MOXD1: variants seen among roughly 807,000 people sequenced by gnomAD.
MOXD1 encodes the protein monooxygenase DBH like 1, also known as DBH-like monooxygenase protein 1.
Under a neutral mutation model 66.6 loss-of-function variants are expected in MOXD1, and 62 were observed. The observed-to-expected ratio is 0.93, with a 90% confidence interval of 0.76 to 1.15. The LOEUF (loss-of-function observed/expected upper bound fraction) is 1.15, where lower values mean the gene tolerates loss of function less well. Ranked by LOEUF, MOXD1 falls within the 50% of genes most tolerant of loss-of-function variation. The probability of loss-of-function intolerance (pLI) is 0.00; values close to 1 mark genes in which losing one functional copy is unlikely to be tolerated. For synonymous variants in MOXD1, 303 were observed against 281.9 expected (o/e 1.07, Z -0.75); for missense variants, 847 against 754.6 (o/e 1.12, Z -1.44).
rs757760900 is a variant in MOXD1, at chr6:132,328,499, G to A, written c.759C>T (p.Ser253=). ...TGTTGGGGTGATAGCACTCGTGGCC[G>A]GACTCCAGAACGCTGTCGTTAAAGT... is the stretch of plus-strand genomic sequence containing the variant. ...SNNFNDSVLE[S]GHECYHPNMP... Residue 253 remains serine, a synonymous_variant, in exon 5 of 12, where the codon TCC becomes TCT. Coordinates refer to ENST00000367963, the MANE Select transcript of MOXD1 (RefSeq NM_015529.4). 21 of 1,613,966 alleles carry A rather than the reference G, an allele frequency of 1.3e-5. No individual in the cohort carries two copies. The highest frequency in any genetic ancestry group is 3.3e-4 in the Middle Eastern group (2 of 6,084).
intron 4 of MOXD1, among the ~76,000 whole-genome samples, chr6:132,360,335 G>A (rs538176046): frequency 6.6e-5 from 10 of 152,318 alleles, no homozygotes; most frequent in Non-Finnish European, 1.3e-4. Context: ...GTAAAATGAA[G>A]ATAGTAACAC....
At chr6:132,373,708 T>C (rs909629568) in intron 2 of MOXD1, among the ~76,000 whole-genome samples, 4 of 152,082 alleles carry the variant, frequency 2.6e-5, no homozygotes, top group African/African-American at 7.2e-5. Flanking sequence ...TTTGCTGGGG[T>C]GTAAAGAAAT....
rs915754847 is a variant in MOXD1, at chr6:132,333,315, T to G, written c.664-4721A>C. On this transcript the variant is annotated intron_variant, in intron 4 of 11. Coordinates refer to ENST00000367963, the MANE Select transcript of MOXD1 (RefSeq NM_015529.4). Reference sequence around the variant, plus strand: ...CGCCCCACTGCACTCCAGCCTGGGCTACAGAGTGAGACTCCGTCTCAAAAA... The same window carrying G: ...CGCCCCACTGCACTCCAGCCTGGGCGACAGAGTGAGACTCCGTCTCAAAAA... Among the ~76,000 whole-genome samples the G allele has an allele frequency of 2.4e-3, 296 of 123,466 alleles. 2 individuals carry two copies. The highest frequency in any genetic ancestry group is 9.5e-3 in the African/African-American group (280 of 29,468). The allele number at this position is 123,466 out of a possible 152,430, so 81.0% of individuals were successfully genotyped here. A position where few individuals can be genotyped will look rare whatever the true frequency, so the allele number is the denominator to read the frequency against.
intron 1 of MOXD1, among the ~76,000 whole-genome samples, chr6:132,380,979 A>G (rs949649474): frequency 6.6e-6 from 1 of 152,222 alleles, no homozygotes; most frequent in Non-Finnish European, 1.5e-5. Flanking sequence ...ACATGCAACA[A>G]CTATTTTAAA....
At chr6:132,366,663 T>A (rs1460123047) in intron 4 of MOXD1, among the ~76,000 whole-genome samples, 1 of 152,106 alleles carries the variant, frequency 6.6e-6, no homozygotes, top group Non-Finnish European at 1.5e-5. Flanking sequence ...CCCCAAAGAC[T>A]TACACATTCT....
At chr6:132,311,448 A>G (rs1774828689) in intron 10 of MOXD1, among the ~76,000 whole-genome samples, 1 of 151,602 alleles carries the variant, frequency 6.6e-6, no homozygotes, top group Non-Finnish European at 1.5e-5. Flanking sequence ...GGTGGTTTAG[A>G]AAGCAGAAGT....
chr6:132,353,790 A>C (rs554394739), intron 4 of MOXD1, among the ~76,000 whole-genome samples: 51 of 152,228 alleles, frequency 3.4e-4, no homozygotes, highest in African/African-American at 1.2e-3. Context: ...CTTCCTCAGG[A>C]ATACCTCTTC....
intron 10 of MOXD1, among the ~76,000 whole-genome samples, chr6:132,307,288 G>A (rs1774716531): frequency 6.6e-6 from 1 of 152,182 alleles, no homozygotes; most frequent in Non-Finnish European, 1.5e-5. Flanking sequence ...TTACGTAATG[G>A]TAAGGGGAAA....
rs762795744 is a variant in MOXD1 at position 132,322,793 on chromosome 6, G to A, written c.1191C>T (p.Ile397=). 1 of 1,614,098 alleles carries A rather than the reference G, an allele frequency of 6.2e-7. No homozygotes were observed. Among genetic ancestry groups the A allele is most frequent in the Admixed American group, 1.7e-5 (1 of 60,018 alleles). The change falls in exon 8 of 12, where the codon ATC becomes ATT. Residue 397 remains isoleucine, a synonymous_variant. Transcript: ENST00000367963. ...TCCCTTTTCGAAAATGACGCAGCCT[G>A]ATGCCTCTGCCAGCCAGGTGAGCAT... ...LLHAHLAGRG[I]RLRHFRKGKE...
intron 4 of MOXD1, among the ~76,000 whole-genome samples, chr6:132,334,563 A>G (rs1004580981): frequency 6.6e-6 from 1 of 152,252 alleles, no homozygotes; most frequent in African/African-American, 2.4e-5. Context: ...CAAAGTTCAT[A>G]ACTCACACTT....
chr6:132,330,390 G>C (rs142978032), intron 4 of MOXD1, among the ~76,000 whole-genome samples: 1 of 152,148 alleles, frequency 6.6e-6, no homozygotes, highest in Non-Finnish European at 1.5e-5. Flanking sequence ...TCTAGGCTGC[G>C]TGCTCTTTAT....
intron 10 of MOXD1, among the ~76,000 whole-genome samples, chr6:132,298,640 C>T (rs1774462945): frequency 6.6e-6 from 1 of 151,900 alleles, no homozygotes; most frequent in African/African-American, 2.4e-5. Flanking sequence ...AGAAGACATA[C>T]ATAAGGCCAA....
chr6:132,384,850 T>A (rs906829438), intron 1 of MOXD1, among the ~76,000 whole-genome samples: 1 of 152,188 alleles, frequency 6.6e-6, no homozygotes, highest in Non-Finnish European at 1.5e-5. Context: ...TGTAGGGAGC[T>A]ATAAGCAGCA....
rs1455811201 is a variant in MOXD1 at position 132,356,138 on chromosome 6, A to G, written c.663+16470T>C. 2.6e-5 allele frequency among the ~76,000 whole-genome samples: 4 copies of G among 152,210 alleles called. No homozygotes were observed. The East Asian group carries it at 7.7e-4, about 29-fold the overall frequency. ...CTTCTGAGTTGATACTCTATTCTTGATCTTGATTCTGGTTTCATGAGTCAG... is the reference window on the plus strand; with the variant it reads ...CTTCTGAGTTGATACTCTATTCTTGGTCTTGATTCTGGTTTCATGAGTCAG... On this transcript the variant is annotated intron_variant, in intron 4 of 11. Coordinates refer to ENST00000367963, the MANE Select transcript of MOXD1 (RefSeq NM_015529.4).
rs759520734 is a variant in MOXD1, at chr6:132,320,616, A to C, written c.1365+13T>G. 2.5e-6 allele frequency: 4 copies of C among 1,592,858 alleles called. No individual in the cohort carries two copies. The highest frequency in any genetic ancestry group is 3.4e-6 in the Non-Finnish European group (4 of 1,169,010). On this transcript the variant is annotated intron_variant, in intron 9 of 11. Transcript: ENST00000367963. ...CCATAAATGAACTTTAATAATAATA[A>C]AAGTTTTCTTACCCAAGTCATCTCA...
intron 10 of MOXD1, among the ~76,000 whole-genome samples, chr6:132,312,513 C>T (rs1456320989): frequency 4.0e-5 from 6 of 151,854 alleles, no homozygotes; most frequent in African/African-American, 1.5e-4. Context: ...AATTTAAAGT[C>T]TAAACATGTA....
At position 132,397,635 on chromosome 6, in the gene MOXD1, AC is replaced by A. The variant is rs1224629896; in HGVS notation, c.264+3527del. ...CACAGAGAGAGAGAGAGAGAGAGAGACAGAAAGAAAGAAAGAAAGAAAGAAA... is the reference window on the plus strand; with the variant it reads ...CACAGAGAGAGAGAGAGAGAGAGAGAAGAAAGAAAGAAAGAAAGAAAGAAA... On this transcript the variant is annotated intron_variant, in intron 1 of 11. Transcript: ENST00000367963. Among the ~76,000 whole-genome samples the A allele has an allele frequency of 5.0e-3, 587 of 117,044 alleles. 2 individuals carry two copies. Among genetic ancestry groups the A allele is most frequent in the African/African-American group, 0.013 (319 of 24,622 alleles). The allele number at this position is 117,044 out of a possible 152,430, so 76.8% of individuals were successfully genotyped here. A position where few individuals can be genotyped will look rare whatever the true frequency, so the allele number is the denominator to read the frequency against.
chr6:132,370,059 T>C (rs1315400863), intron 4 of MOXD1, among the ~76,000 whole-genome samples: 2 of 152,132 alleles, frequency 1.3e-5, no homozygotes, highest in African/African-American at 4.8e-5. Context: ...CACAATATGA[T>C]ATAAAATCAA....
rs1396687467 is a variant in MOXD1 at position 132,376,760 on chromosome 6, G to A, written c.265-1983C>T. On this transcript the variant is annotated intron_variant, in intron 1 of 11. Coordinates refer to ENST00000367963, the MANE Select transcript of MOXD1 (RefSeq NM_015529.4). ...GATCTCCTGACCTCGTGATCCGCCC[G>A]CCTCGGCCTCCCAAAGTGCTGGGAT... Among the ~76,000 whole-genome samples the A allele has an allele frequency of 2.7e-3, 165 of 60,710 alleles. 30 individuals are homozygous for A. The highest frequency in any genetic ancestry group is 9.3e-3 in the African/African-American group (12 of 1,292). 39.8% of individuals were successfully genotyped at this position (60,710 alleles called of 152,430 possible). A position where few individuals can be genotyped will look rare whatever the true frequency, so the allele number is the denominator to read the frequency against.
Sources: allele counts gnomAD v4.1 joint callset (sites outside exome capture counted in the v4.1 genomes callset), GRCh38; gene constraint gnomAD v4.1.1; transcripts MANE v1.5; gene names NCBI Gene and HGNC (gene_info 2026-07-23, HGNC 2026-07-21).